NOD2: variants seen among roughly 807,000 people sequenced by gnomAD.
NOD2 encodes the protein nucleotide binding oligomerization domain containing 2, also known as nucleotide-binding oligomerization domain-containing protein 2.
A neutral mutation model predicts 90.9 loss-of-function variants in NOD2; 86 were observed. The observed-to-expected ratio is 0.95, with a 90% CI of 0.79 to 1.13. NOD2 has a LOEUF of 1.13. Among genes scored for constraint, NOD2 ranks in the 50% most tolerant of loss-of-function variants. The pLI is 0.00. For synonymous variants in NOD2, 581 were observed against 554.6 expected (o/e 1.05, Z -0.67); for missense variants, 1,238 against 1,283.8 (o/e 0.96, Z 0.55).
chr16:50,728,419 A>G (rs1596914721), intron 10 of NOD2: 1 of 267,362 alleles, frequency 3.7e-6, no homozygotes, highest in East Asian at 1.0e-4. Flanking sequence ...AATTGCTTGA[A>G]TTTGCTTTTT....
At chr16:50,709,471 G>A (rs1405458749) in intron 3 of NOD2, among the ~76,000 whole-genome samples, 1 of 152,196 alleles carries the variant, frequency 6.6e-6, no homozygotes. Context: ...CTCTGACACA[G>A]GAAATGGTTT....
chr16:50,707,867 C>T lies in NOD2; in HGVS notation c.472C>T (p.Leu158Phe), dbSNP rs1180675068. 1.2e-6 allele frequency: 2 copies of T among 1,613,392 alleles called. No individual in the cohort carries two copies. The highest frequency in any genetic ancestry group is 2.7e-5 in the African/African-American group (2 of 74,932). ...FTPSQRARRLLDLATVKANGL... is the reference protein window; with the variant it reads ...FTPSQRARRLFDLATVKANGL... Reference sequence around the variant, plus strand: ...GCCTTTCCTGTAGGCAAGAAGGCTGCTTGATCTTGCCACGGTGAAAGCGAA... The same window carrying T: ...GCCTTTCCTGTAGGCAAGAAGGCTGTTTGATCTTGCCACGGTGAAAGCGAA... Residue 158 changes from leucine (L) to phenylalanine (F), a missense_variant, in exon 3 of 12, where the codon CTT (leucine) becomes TTT (phenylalanine). Coordinates refer to ENST00000647318, the MANE Select transcript of NOD2 (RefSeq NM_001370466.1).
At chr16:50,729,732 G>C in intron 10 of NOD2, 86 bp from the exon 11 acceptor site, 2 of 1,134,872 alleles carry the variant, frequency 1.8e-6, no homozygotes, top group Non-Finnish European at 2.7e-6. Flanking sequence ...CAGTAGACTG[G>C]CTAACTCCTG....
At chr16:50,729,688 A>T in intron 10 of NOD2, 130 bp from the exon 11 acceptor site, 1 of 718,440 alleles carries the variant, frequency 1.4e-6, no homozygotes, top group South Asian at 1.4e-5. Flanking sequence ...AATCTCAGAC[A>T]TGAGCAGGAT....
intron 10 of NOD2, 38 bp from the exon 11 acceptor site, chr16:50,729,780 A>C (rs763772690): frequency 6.4e-7 from 1 of 1,573,588 alleles, no homozygotes; most frequent in South Asian, 1.1e-5. Context: ...AGGAAAACCA[A>C]GAATCCTTGA....
intron 6 of NOD2, among the ~76,000 whole-genome samples, chr16:50,719,079 G>C (rs1476641972): frequency 6.6e-6 from 1 of 152,190 alleles, no homozygotes; most frequent in Non-Finnish European, 1.5e-5. Flanking sequence ...AGGCAGGGGA[G>C]CCTGATGTCT....
intron 10 of NOD2, among the ~76,000 whole-genome samples, chr16:50,726,730 C>T (rs1965279020): frequency 6.6e-6 from 1 of 152,212 alleles, no homozygotes; most frequent in Admixed American, 6.5e-5. Flanking sequence ...CCTTATTTTT[C>T]AGCATCCTAA....
chr16:50,716,288 T>C (rs1964790324), intron 4 of NOD2, among the ~76,000 whole-genome samples: 1 of 152,234 alleles, frequency 6.6e-6, no homozygotes, highest in Admixed American at 6.5e-5. Context: ...CATGTTCCTT[T>C]TGCAGAGATG....
Position 50,725,573 on chromosome 16 carries a change from G to T in NOD2, c.2885+1G>T, listed in dbSNP as rs1294768280. The T allele has an allele frequency of 6.2e-7, 1 of 1,610,626 alleles. No individual in the cohort carries two copies. The highest frequency in any genetic ancestry group is 1.1e-5 in the South Asian group (1 of 91,014). ...AAAATTCAAGTTTGAAAATCCTGAAGTAAGGAACCCATAAGCAGGAAACAG... is the reference window on the plus strand; with the variant it reads ...AAAATTCAAGTTTGAAAATCCTGAATTAAGGAACCCATAAGCAGGAAACAG... On this transcript the variant is annotated splice_donor_variant, in intron 10 of 11. Coordinates refer to ENST00000647318, the MANE Select transcript of NOD2 (RefSeq NM_001370466.1). LOFTEE classifies it high-confidence loss of function.
rs772534917 is a variant in NOD2 at position 50,711,539 on chromosome 16, G to A, written c.1547G>A (p.Arg516His). 1.1e-5 allele frequency: 17 copies of A among 1,612,622 alleles called. No homozygotes were observed. The highest frequency in any genetic ancestry group is 3.3e-5 in the South Asian group (3 of 91,082). The change falls in exon 4 of 12, where the codon CGC (arginine) becomes CAC (histidine). Residue 516 changes from arginine (R) to histidine (H), a missense_variant. Physicochemically the swap from Arg to His is conservative, Grantham distance 29. Around this residue, in one of 3 missense-constraint regions of NOD2, gnomAD observed 667 missense variants for 688.7 expected, o/e 0.97. Transcript: ENST00000647318. ...QGLGPSLLRGRLPTLLHLGRL... is the reference protein window; with the variant it reads ...QGLGPSLLRGHLPTLLHLGRL... ...CTGGGACCCAGTCTTCTTCGGGGCC[G>A]CCTCCCCACCCTCCTGCACCTGGGC...
Position 50,710,560 on chromosome 16 carries a change from G to A in NOD2, c.568G>A (p.Ala190Thr), listed in dbSNP as rs1375771211. 1 of 1,614,028 alleles carries A rather than the reference G, an allele frequency of 6.2e-7. No individual in the cohort carries two copies. The highest frequency in any genetic ancestry group is 1.3e-5 in the African/African-American group (1 of 74,912). The change falls in exon 4 of 12, where the codon GCC becomes ACC. Residue 190 changes from alanine (A) to threonine (T), a missense_variant and splice_region_variant. By Grantham distance (58) the Ala-to-Thr change is moderately conservative. Around this residue, in one of 3 missense-constraint regions of NOD2, gnomAD observed 567 missense variants for 577.3 expected, o/e 0.98. Transcript: ENST00000647318. ...PVPLALPLEA[A>T]TCKKYMAKLR... ...CTGCCTCTTCTTCTGCCTTCCAGCT[G>A]CCACATGCAAGAAGTATATGGCCAA...
intron 2 of NOD2, among the ~76,000 whole-genome samples, chr16:50,700,866 G>A (rs1479533181): frequency 1.3e-5 from 2 of 152,162 alleles, no homozygotes; most frequent in African/African-American, 2.4e-5. Context: ...ACATGAAATT[G>A]CATTAGATCA....
rs1365186140 is a variant in NOD2, at chr16:50,699,905, A to G, written c.410A>G (p.Gln137Arg). The G allele has an allele frequency of 9.3e-6, 15 of 1,611,928 alleles. No homozygotes were observed. Among genetic ancestry groups the G allele is most frequent in the Non-Finnish European group, 1.3e-5 (15 of 1,180,026 alleles). ...DLAWERGFVS[Q>R]YECDEIRLPI... is the part of the protein sequence containing the mutation. ...GCATGGGAGCGGGGTTTCGTCAGCC[A>G]GTATGAATGTGATGAAATCAGGTTG... The change falls in exon 2 of 12, where the codon CAG (glutamine) becomes CGG (arginine). Residue 137 changes from glutamine to arginine, a missense_variant. By Grantham distance (43) the Gln-to-Arg change is conservative. This residue lies in a region of NOD2 where 567 missense variants were observed against 577.3 expected (regional missense o/e 0.98). Transcript: ENST00000647318.
Position 50,732,562 on chromosome 16 carries a change from G to A in NOD2, c.*743G>A, listed in dbSNP as rs1018509800. On this transcript the variant is annotated 3_prime_UTR_variant, in exon 12 of 12. Transcript: ENST00000647318. ...AGAAAAATATGACCACACTCCAGCT[G>A]GGATCACATGTGGACTTTTATTTCC... The A allele has an allele frequency of 6.5e-6, 1 of 152,758 alleles. No individual in the cohort carries two copies. Among genetic ancestry groups the A allele is most frequent in the Admixed American group, 6.5e-5 (1 of 15,334 alleles). The allele number at this position is 152,758 out of a possible 1,614,324, so 9.5% of individuals were successfully genotyped here.
At position 50,711,558 on chromosome 16, in the gene NOD2, C is replaced by A; in HGVS notation, c.1566C>A (p.His522Gln). 6.2e-7 allele frequency: 1 copy of A among 1,612,472 alleles called. No individual in the cohort carries two copies. Among genetic ancestry groups the A allele is most frequent in the Non-Finnish European group, 8.5e-7 (1 of 1,180,022 alleles). Residue 522 changes from histidine to glutamine, a missense_variant, in exon 4 of 12, where the codon CAC becomes CAA. Transcript: ENST00000647318. Reference sequence around the variant, plus strand: ...GGGGCCGCCTCCCCACCCTCCTGCACCTGGGCAGACTGGCTCTGTGGGGCC... The same window carrying A: ...GGGGCCGCCTCCCCACCCTCCTGCAACTGGGCAGACTGGCTCTGTGGGGCC... ...LLRGRLPTLL[H>Q]LGRLALWGLG...
Position 50,720,016 on chromosome 16 carries a change from G to A in NOD2, c.2633+8G>A. On this transcript the variant is annotated splice_region_variant and intron_variant, in intron 7 of 11. Coordinates refer to ENST00000647318, the MANE Select transcript of NOD2 (RefSeq NM_001370466.1). ...CTCCTTGCAGTTCCTGGGGTAGGTT[G>A]GATTCCAGGAAGAGGGACCTGCATG... is the stretch of plus-strand genomic sequence containing the variant. 2 of 1,613,262 alleles carry A rather than the reference G, an allele frequency of 1.2e-6. No homozygotes were observed. The highest frequency in any genetic ancestry group is 1.7e-6 in the Non-Finnish European group (2 of 1,179,222).
At chr16:50,726,892 GCACTT>G (rs2150838883) in intron 10 of NOD2, among the ~76,000 whole-genome samples, 1 of 152,300 alleles carries the variant, frequency 6.6e-6, no homozygotes, top group South Asian at 2.1e-4. Context: ...TGTAATCCCA[GCACTT>G]TGGGAGGCTG....
rs534738790 is a variant in NOD2, at chr16:50,712,290, G to A, written c.2298G>A (p.Val766=). 47 of 1,614,048 alleles carry A rather than the reference G, an allele frequency of 2.9e-5. No individual in the cohort carries two copies. Among genetic ancestry groups the A allele is most frequent in the South Asian group, 2.7e-4 (25 of 91,086 alleles). The part of the protein sequence containing the change: ...AFVLQHLRRP[V]ALQLDYNSVG... ...TGCTGCAGCACCTCCGGCGGCCCGT[G>A]GCCCTGCAGCTGGACTACAACTCTG... The change falls in exon 4 of 12, where the codon GTG becomes GTA. Residue 766 remains valine, a synonymous_variant. Coordinates refer to ENST00000647318, the MANE Select transcript of NOD2 (RefSeq NM_001370466.1).
At position 50,710,980 on chromosome 16, in the gene NOD2, G is replaced by A; in HGVS notation, c.988G>A (p.Asp330Asn). The change falls in exon 4 of 12, where the codon GAT (aspartate) becomes AAT (asparagine). Residue 330 changes from aspartate (D) to asparagine (N), a missense_variant. Transcript: ENST00000647318. ...TLLFEHCCWP[D>N]VGQEDIFQLL... ...ACTCTTTGAGCACTGCTGTTGGCCT[G>A]ATGTTGGTCAAGAAGACATCTTCCA... 2 of 1,614,230 alleles carry A rather than the reference G, an allele frequency of 1.2e-6. No homozygotes were observed. Among genetic ancestry groups the A allele is most frequent in the African/African-American group, 1.3e-5 (1 of 75,056 alleles).
Sources: allele counts gnomAD v4.1 joint callset (sites outside exome capture counted in the v4.1 genomes callset), GRCh38; gene constraint gnomAD v4.1.1; regional missense constraint gnomAD v4.1.1; transcripts MANE v1.5; gene names NCBI Gene and HGNC (gene_info 2026-07-23, HGNC 2026-07-21).